The following GALP variants were observed in gnomAD, a reference collection of about 807,000 sequenced individuals.
GALP encodes the protein galanin-like peptide.
A neutral mutation model predicts 15.2 loss-of-function variants in GALP; 12 were observed. That is an observed-to-expected ratio of 0.79 (90% CI 0.51 to 1.28). The LOEUF is 1.28. Among genes scored for constraint, GALP ranks in the 50% most tolerant of loss-of-function variants. The pLI is 0.00. For missense variants in GALP, 161 were observed against 145.6 expected, an observed-to-expected ratio of 1.11 and a Z score of -0.55; for synonymous variants, 58 against 55.1, an observed-to-expected ratio of 1.05 and a Z score of -0.23.
At chr19:56,177,323 G>C (rs2032481922) in intron 2 of GALP, 128 bp downstream of exon 2, 1 of 767,446 alleles carries the variant, frequency 1.3e-6, no homozygotes, top group Non-Finnish European at 2.1e-6. Context: ...CTGAAAATAT[G>C]AGAAGAAATA....
intron 2 of GALP, among the ~76,000 whole-genome samples, chr19:56,179,954 T>G (rs1198098020): frequency 1.3e-5 from 2 of 152,032 alleles, no homozygotes; most frequent in African/African-American, 4.8e-5. Context: ...CCCAGCTAAT[T>G]TTTTTTATTT....
chr19:56,182,282 C>G, intron 4 of GALP, 30 bp downstream of exon 4: 1 of 1,523,558 alleles, frequency 6.6e-7, no homozygotes, highest in Non-Finnish European at 9.1e-7. Flanking sequence ...GACGTCTTCT[C>G]CTGCGTCCTC....
At chr19:56,180,727 A>T in intron 3 of GALP, 93 bp downstream of exon 3, 1 of 948,420 alleles carries the variant, frequency 1.1e-6, no homozygotes, top group Non-Finnish European at 1.7e-6. Flanking sequence ...ACCCTCACCC[A>T]CATTCACTGA....
intron 4 of GALP, among the ~76,000 whole-genome samples, 172 bp downstream of exon 4, chr19:56,182,424 C>T (rs62120816): frequency 1.1e-3 from 161 of 152,244 alleles, no homozygotes; most frequent in Non-Finnish European, 1.5e-3. Context: ...ACCTGGAGCC[C>T]CAGCTTGCTT....
chr19:56,182,045 C>T, intron 3 of GALP, 127 bp from the exon 4 acceptor site: 2 of 713,158 alleles, frequency 2.8e-6, no homozygotes, highest in South Asian at 3.2e-5. Context: ...GGTCAACACG[C>T]ACCCCGTCCG....
chr19:56,178,707 A>G (rs73617543), intron 2 of GALP, among the ~76,000 whole-genome samples: 4,360 of 152,200 alleles, frequency 0.029, 199 homozygotes, highest in African/African-American at 0.097. Flanking sequence ...GAGTTTTGAC[A>G]AGAGCTAATG....
At chr19:56,177,972 G>A (rs1324971020) in intron 2 of GALP, among the ~76,000 whole-genome samples, 2 of 152,110 alleles carry the variant, frequency 1.3e-5, no homozygotes, top group African/African-American at 4.8e-5. Flanking sequence ...GGTGGCTGTT[G>A]TTCATAACAA....
intron 2 of GALP, among the ~76,000 whole-genome samples, chr19:56,178,409 G>A (rs2032502130): frequency 6.6e-6 from 1 of 151,686 alleles, no homozygotes; most frequent in Non-Finnish European, 1.5e-5. Flanking sequence ...TTTGCAATGA[G>A]CTGAGATGGT....
chr19:56,182,388 C>T (rs149170799), intron 4 of GALP, 136 bp downstream of exon 4: 7,103 of 612,314 alleles, frequency 0.012, 71 homozygotes, highest in Middle Eastern at 0.013. Context: ...GCAAGTGATG[C>T]GTTTCCTTCA....
At chr19:56,184,545 G>A (rs564399052) in intron 5 of GALP, among the ~76,000 whole-genome samples, 15 of 144,040 alleles carry the variant, frequency 1.0e-4, no homozygotes, top group Non-Finnish European at 1.9e-4. Context: ...GTGCAGTGGC[G>A]CGATCTCGGC....
intron 2 of GALP, among the ~76,000 whole-genome samples, chr19:56,179,418 G>A (rs190482811): frequency 9.5e-5 from 14 of 147,712 alleles, no homozygotes; most frequent in African/African-American, 3.0e-4. Flanking sequence ...CGCCATTCTC[G>A]TGCCTCAGCC....
chr19:56,179,640 CTTTT>C (rs369518593), intron 2 of GALP, among the ~76,000 whole-genome samples: 2 of 137,922 alleles, frequency 1.5e-5, no homozygotes, highest in Non-Finnish European at 3.1e-5. Flanking sequence ...AAGAGCCTCT[CTTTT>C]TTTTTTTTTT....
intron 3 of GALP, among the ~76,000 whole-genome samples, chr19:56,181,030 C>T (rs1022802439): frequency 2.7e-5 from 4 of 147,606 alleles, no homozygotes; most frequent in Admixed American, 7.1e-5. Context: ...GTAGTTTAAG[C>T]GATTCTCCTC....
rs1327852656 is a variant in GALP at position 56,179,377 on chromosome 19, A to G, written c.88-1209A>G. ...GGCTAGAGTGCAGTGGCGCAATGTC[A>G]GCTCACTGCAAGCTCTGCCTCCCAG... On this transcript the variant is annotated intron_variant, in intron 2 of 5. Coordinates refer to ENST00000357330, the MANE Select transcript of GALP (RefSeq NM_033106.4). Among the ~76,000 whole-genome samples, 5 of 147,072 alleles carry G rather than the reference A, an allele frequency of 3.4e-5. No homozygotes were observed. The East Asian group carries it at 6.1e-4, about 18-fold the overall frequency.
intron 2 of GALP, among the ~76,000 whole-genome samples, chr19:56,178,518 CAACAA>C (rs1356880284): frequency 0.01 from 575 of 57,380 alleles, 3 homozygotes; most frequent in African/African-American, 0.054. Context: ...CTAACAACAA[CAACAA>C]AAAAAAAAAA....
At chr19:56,177,319 A>G in intron 2 of GALP, 124 bp downstream of exon 2, 1 of 776,808 alleles carries the variant, frequency 1.3e-6, no homozygotes, top group Non-Finnish European at 2.1e-6. Flanking sequence ...AATCCTGAAA[A>G]TATGAGAAGA....
intron 2 of GALP, among the ~76,000 whole-genome samples, chr19:56,177,902 G>T (rs1420404199): frequency 1.3e-5 from 2 of 152,144 alleles, no homozygotes; most frequent in African/African-American, 4.8e-5. Context: ...AGAGATGTTG[G>T]TCCAGGGATA....
At chr19:56,176,709 C>A (rs748949452) in intron 1 of GALP, among the ~76,000 whole-genome samples, 8 of 151,638 alleles carry the variant, frequency 5.3e-5, no homozygotes, top group Non-Finnish European at 1.2e-4. Context: ...GAGTGAGGGG[C>A]TCCTGGGAGA....
chr19:56,181,533 T>C (rs1268514678), intron 3 of GALP, among the ~76,000 whole-genome samples: 2 of 150,414 alleles, frequency 1.3e-5, no homozygotes, highest in African/African-American at 2.4e-5. Context: ...TCCTCCCAAG[T>C]AGCTGGGATT....
Sources: gnomAD v4.1 joint callset for allele counts (sites outside exome capture counted in the v4.1 genomes callset) on GRCh38, gnomAD v4.1.1 for gene constraint, MANE v1.5 for transcripts, NCBI Gene and HGNC (gene_info 2026-07-23, HGNC 2026-07-21) for gene names.